The following NTM variants were observed in gnomAD, a reference collection of about 807,000 sequenced individuals.
NTM encodes the protein IgLON family member 2.
NTM carries 13 observed loss-of-function variants against 42.1 expected under a neutral mutation model. That is an observed-to-expected ratio of 0.31 (90% CI 0.20 to 0.49). NTM has a LOEUF of 0.49. Among genes scored for constraint, NTM ranks in the 20% least tolerant of loss-of-function variants. The probability of loss-of-function intolerance (pLI) is 0.99; values close to 1 mark genes in which losing one functional copy is unlikely to be tolerated. For missense variants in NTM, 373 were observed against 452.8 expected (o/e 0.82, Z 1.60); for synonymous variants, 187 against 179.2 (o/e 1.04, Z -0.35).
At chr11:131,680,373 GTGTC>G (rs796942076) in intron 1 of NTM, among the ~76,000 whole-genome samples, 10 of 152,274 alleles carry the variant, frequency 6.6e-5, no homozygotes, top group African/African-American at 1.9e-4. Flanking sequence ...GTGTGTTTCT[GTGTC>G]TGTGAGTGCC....
intron 1 of NTM, among the ~76,000 whole-genome samples, chr11:131,561,779 G>C (rs925472665): frequency 3.3e-5 from 5 of 151,824 alleles, no homozygotes; most frequent in Admixed American, 2.6e-4. Context: ...TCATTCCTTC[G>C]GCCTTCATCA....
chr11:132,044,126 A>G (rs75915453), intron 2 of NTM, among the ~76,000 whole-genome samples: 11 of 51,504 alleles, frequency 2.1e-4, no homozygotes, highest in African/African-American at 1.3e-3. Flanking sequence ...ATGTGTGTGT[A>G]TATATGTGTG....
chr11:131,525,592 A>G (rs1004738609), intron 1 of NTM, among the ~76,000 whole-genome samples: 1 of 152,166 alleles, frequency 6.6e-6, no homozygotes, highest in African/African-American at 2.4e-5. Flanking sequence ...GACTGGTGTC[A>G]GTAAGGTGGC....
chr11:131,537,873 A>T (rs995194628), intron 1 of NTM: 5 of 152,216 alleles, frequency 3.3e-5, no homozygotes, highest in African/African-American at 4.8e-5. Context: ...TGCAGTAGTC[A>T]CCCAGTGCTG....
intron 1 of NTM, among the ~76,000 whole-genome samples, chr11:131,767,787 G>C (rs2085354009): frequency 6.6e-6 from 1 of 152,144 alleles, no homozygotes; most frequent in African/African-American, 2.4e-5. Context: ...CCCGACACAT[G>C]GCAAGCCAAT....
intron 4 of NTM, among the ~76,000 whole-genome samples, chr11:132,247,527 G>A (rs927400242): frequency 1.3e-5 from 2 of 152,106 alleles, no homozygotes. Context: ...AATGTTTACT[G>A]GGTGAATAAA....
chr11:131,671,473 G>A, intron 1 of NTM: 1 of 985,418 alleles, frequency 1.0e-6, no homozygotes, highest in Non-Finnish European at 1.2e-6. Context: ...CAGAGAATGT[G>A]GTTGAATCAG....
At chr11:131,558,772 GA>G (rs1224337708) in intron 1 of NTM, among the ~76,000 whole-genome samples, 2 of 152,188 alleles carry the variant, frequency 1.3e-5, no homozygotes, top group Non-Finnish European at 1.5e-5. Context: ...AGCTGGAGGA[GA>G]AGGGGTGCCA....
At chr11:131,916,191 G>A (rs1028053857) in intron 2 of NTM, among the ~76,000 whole-genome samples, 3 of 152,232 alleles carry the variant, frequency 2.0e-5, no homozygotes, top group African/African-American at 7.2e-5. Context: ...TAGCTCCTGG[G>A]TGGAAGTGAG....
chr11:131,843,772 G>A (rs1321623397), intron 1 of NTM, among the ~76,000 whole-genome samples: 1 of 152,194 alleles, frequency 6.6e-6, no homozygotes, highest in Non-Finnish European at 1.5e-5. Context: ...CTGATTGCTA[G>A]TGTGGTTGAA....
At chr11:131,449,508 C>A (rs947375895) in intron 1 of NTM, among the ~76,000 whole-genome samples, 2 of 152,188 alleles carry the variant, frequency 1.3e-5, no homozygotes, top group Non-Finnish European at 2.9e-5. Context: ...TGAGTCCTGT[C>A]GTCTTGCCTG....
At chr11:131,644,119 C>T (rs548491218) in intron 1 of NTM, among the ~76,000 whole-genome samples, 3 of 152,118 alleles carry the variant, frequency 2.0e-5, no homozygotes, top group African/African-American at 7.2e-5. Context: ...AGGTTGCATG[C>T]GACCTCCCCA....
chr11:131,931,065 G>A (rs57469072), intron 2 of NTM, among the ~76,000 whole-genome samples: 310 of 152,298 alleles, frequency 2.0e-3, no homozygotes, highest in African/African-American at 7.1e-3. Flanking sequence ...GGAATTGCGA[G>A]TGACATAGAT....
intron 1 of NTM, among the ~76,000 whole-genome samples, chr11:131,687,801 C>T (rs987287211): frequency 1.3e-5 from 2 of 152,082 alleles, no homozygotes; most frequent in Admixed American, 6.5e-5. Flanking sequence ...TGTGAAGTCC[C>T]GCTGCTCCTC....
rs530447637 is a variant in NTM, at chr11:131,766,846, C to T, written c.83-144718C>T. On this transcript the variant is annotated intron_variant, in intron 1 of 8. Transcript: ENST00000683400. ...ATTTGAGTCACTGCCACGTGAGTAACGGGGCCCGTAAATATTCAGCCACAG... is the reference window on the plus strand; with the variant it reads ...ATTTGAGTCACTGCCACGTGAGTAATGGGGCCCGTAAATATTCAGCCACAG... Among the ~76,000 whole-genome samples, 6 of 152,246 alleles carry T rather than the reference C, an allele frequency of 3.9e-5. No homozygotes were observed. In the East Asian group the frequency reaches 5.8e-4, roughly 15 times the overall value.
rs564846275 is a variant in NTM at position 131,537,677 on chromosome 11, G to A, written c.82+166789G>A. 3 of 152,454 alleles carry A rather than the reference G, an allele frequency of 2.0e-5. No homozygotes were observed. In the South Asian group the frequency reaches 6.2e-4, roughly 32 times the overall value. 9.4% of individuals were successfully genotyped at this position (152,454 alleles called of 1,614,324 possible). A position where few individuals can be genotyped will look rare whatever the true frequency, so the allele number is the denominator to read the frequency against. On this transcript the variant is annotated intron_variant, in intron 1 of 8. Transcript: ENST00000683400. Reference sequence around the variant, plus strand: ...AAAACCAGCTACCTGTCCCTTGGCAGGAGAGGCTTTGGCTGCCTGCAGCTG... The same window carrying A: ...AAAACCAGCTACCTGTCCCTTGGCAAGAGAGGCTTTGGCTGCCTGCAGCTG...
intron 2 of NTM, among the ~76,000 whole-genome samples, chr11:131,947,324 A>G (rs961077903): frequency 1.3e-5 from 2 of 152,078 alleles, no homozygotes. Context: ...GATGCTACTT[A>G]TCCTCTGCAT....
chr11:131,750,387 G>A lies in NTM; in HGVS notation c.83-161177G>A, dbSNP rs79872381. Among the ~76,000 whole-genome samples, 938 of 152,242 alleles carry A rather than the reference G, an allele frequency of 6.2e-3. 13 individuals are homozygous for A. The highest frequency in any genetic ancestry group is 0.021 in the African/African-American group (869 of 41,546). On this transcript the variant is annotated intron_variant, in intron 1 of 8. Transcript: ENST00000683400. ...AGGCAAAGTGTCATTCTGGCAACAA[G>A]CTCCTCACCTCCTTCCCCAGAGCTT...
At position 131,788,406 on chromosome 11, in the gene NTM, T is replaced by A. The variant is rs2089621377; in HGVS notation, c.83-123158T>A. On this transcript the variant is annotated intron_variant, in intron 1 of 8. Transcript: ENST00000683400. ...GAGATTTATACCTAATACATCTTAA[T>A]CTTTATCCATTTGGTGGCTCTCTTT... Among the ~76,000 whole-genome samples, 3 of 152,154 alleles carry A rather than the reference T, an allele frequency of 2.0e-5. 1 individual carries two copies. In the South Asian group the frequency reaches 6.2e-4, roughly 32 times the overall value.
Sources: allele counts gnomAD v4.1 joint callset (sites outside exome capture counted in the v4.1 genomes callset), GRCh38; gene constraint gnomAD v4.1.1; transcripts MANE v1.5; gene names NCBI Gene and HGNC (gene_info 2026-07-23, HGNC 2026-07-21).